CAVIN1: variants seen among roughly 807,000 people sequenced by gnomAD.
The protein encoded by CAVIN1 is caveolae associated protein 1.
CAVIN1 carries 16 observed loss-of-function variants against 24.0 expected under a neutral mutation model. The observed-to-expected ratio is 0.67, with a 90% CI of 0.45 to 1.01. The LOEUF (loss-of-function observed/expected upper bound fraction) is 1.01. Ranked by LOEUF, CAVIN1 falls within the 50% of genes least tolerant of loss-of-function variation. The pLI is 0.00. For missense variants in CAVIN1, 510 were observed against 551.7 expected (o/e 0.92, Z 0.76); for synonymous variants, 256 against 256.4 (o/e 1.00, Z 0.02).
chr17:42,405,950 G>A (rs553145817), intron 1 of CAVIN1, among the ~76,000 whole-genome samples: 1 of 152,198 alleles, frequency 6.6e-6, no homozygotes, highest in African/African-American at 2.4e-5. Flanking sequence ...GCCTCCCAAA[G>A]TTCTGGGATT....
At chr17:42,415,371 A>T (rs1395402742) in intron 1 of CAVIN1, among the ~76,000 whole-genome samples, 1 of 152,160 alleles carries the variant, frequency 6.6e-6, no homozygotes, top group Non-Finnish European at 1.5e-5. Context: ...AAACCACAAA[A>T]TGAAGGAGTT....
chr17:42,404,718 G>A lies in CAVIN1; in HGVS notation c.1142C>T (p.Ala381Val), dbSNP rs1215143132. Residue 381 changes from alanine (A) to valine (V), a missense_variant, in exon 2 of 2, where the codon GCC becomes GTC. Ala to Val is a moderately conservative substitution (Grantham distance 64). Transcript: ENST00000357037. ...ALLEITEESD[A>V]VLVDKSDSD Reference sequence around the variant, plus strand: ...GCTGTCGCTCTTGTCCACCAGCACGGCGTCCGACTCCTCGGTGATCTCCAG... The same window carrying A: ...GCTGTCGCTCTTGTCCACCAGCACGACGTCCGACTCCTCGGTGATCTCCAG... 1 of 1,492,500 alleles carries A rather than the reference G, an allele frequency of 6.7e-7. No individual in the cohort carries two copies. Among genetic ancestry groups the A allele is most frequent in the Non-Finnish European group, 8.9e-7 (1 of 1,127,866 alleles). The allele number at this position is 1,492,500 out of a possible 1,614,324, so 92.5% of individuals were successfully genotyped here. A position where few individuals can be genotyped will look rare whatever the true frequency, so the allele number is the denominator to read the frequency against.
Position 42,403,390 on chromosome 17 carries a change from T to A in CAVIN1, c.*1297A>T, listed in dbSNP as rs1177822802. On this transcript the variant is annotated 3_prime_UTR_variant, in exon 2 of 2. Coordinates refer to ENST00000357037, the MANE Select transcript of CAVIN1 (RefSeq NM_012232.6). ...CTGCTGCTGCCCCCTTCTGGGACCC[T>A]AATTTTCTGGACTTTGAGAAATGGG... 6.5e-6 allele frequency: 1 copy of A among 152,860 alleles called. No homozygotes were observed. Among genetic ancestry groups the A allele is most frequent in the Non-Finnish European group, 1.5e-5 (1 of 68,182 alleles). 9.5% of individuals were successfully genotyped at this position (152,860 alleles called of 1,614,324 possible).
At chr17:42,410,300 T>C (rs1384065282) in intron 1 of CAVIN1, among the ~76,000 whole-genome samples, 1 of 151,920 alleles carries the variant, frequency 6.6e-6, no homozygotes, top group Non-Finnish European at 1.5e-5. Flanking sequence ...GCTTAGAGTG[T>C]ATGTTAGAAG....
At chr17:42,419,063 G>C (rs563390798) in intron 1 of CAVIN1, among the ~76,000 whole-genome samples, 1 of 151,978 alleles carries the variant, frequency 6.6e-6, no homozygotes, top group African/African-American at 2.4e-5. Flanking sequence ...CGGGCACGGT[G>C]GTGGGCACCT....
chr17:42,418,467 G>A (rs968755076), intron 1 of CAVIN1, among the ~76,000 whole-genome samples: 4 of 151,962 alleles, frequency 2.6e-5, no homozygotes, highest in South Asian at 4.1e-4. Context: ...CCCACCTCAG[G>A]TGATCCGCCC....
At chr17:42,411,998 G>A (rs1409100374) in intron 1 of CAVIN1, 1 of 985,424 alleles carries the variant, frequency 1.0e-6, no homozygotes, top group Non-Finnish European at 1.2e-6. Context: ...GGCTGACAGT[G>A]GACTGAAGAG....
intron 1 of CAVIN1, among the ~76,000 whole-genome samples, chr17:42,416,145 A>G (rs1218393949): frequency 6.6e-6 from 1 of 152,192 alleles, no homozygotes; most frequent in Admixed American, 6.5e-5. Flanking sequence ...AGGCAGGTGG[A>G]TCACCTGAGG....
intron 1 of CAVIN1, chr17:42,412,381 AT>A (rs1397152665): frequency 3.0e-6 from 2 of 656,142 alleles, no homozygotes; most frequent in African/African-American, 2.0e-5. Context: ...TAGGATGGAA[AT>A]AAACCACTTT....
chr17:42,417,053 G>C (rs2085516166), intron 1 of CAVIN1, among the ~76,000 whole-genome samples: 1 of 152,092 alleles, frequency 6.6e-6, no homozygotes, highest in South Asian at 2.1e-4. Context: ...TCCATATGTA[G>C]GTCACTGACT....
intron 1 of CAVIN1, 130 bp from the exon 2 acceptor site, chr17:42,405,518 C>A (rs1278924431): frequency 2.1e-6 from 2 of 934,794 alleles, no homozygotes; most frequent in Admixed American, 1.9e-5. Flanking sequence ...AACTGGCGGG[C>A]GCTCAATAAA....
intron 1 of CAVIN1, among the ~76,000 whole-genome samples, chr17:42,408,557 T>A (rs1441864944): frequency 1.3e-5 from 2 of 152,172 alleles, no homozygotes; most frequent in African/African-American, 4.8e-5. Flanking sequence ...AATGACACGA[T>A]CTCGGCTCAC....
chr17:42,420,827 C>T (rs1378969948), intron 1 of CAVIN1, among the ~76,000 whole-genome samples: 2 of 152,090 alleles, frequency 1.3e-5, no homozygotes, highest in Non-Finnish European at 2.9e-5. Flanking sequence ...GGATAGTTAG[C>T]GTGAGAAGGG....
chr17:42,416,639 T>C (rs1466493331), intron 1 of CAVIN1, among the ~76,000 whole-genome samples: 1 of 137,298 alleles, frequency 7.3e-6, no homozygotes, highest in East Asian at 2.1e-4. Flanking sequence ...AACCCAGGGA[T>C]AGCATGATTT....
At chr17:42,412,269 GTT>G (rs1464213048) in intron 1 of CAVIN1, 1 of 984,892 alleles carries the variant, frequency 1.0e-6, no homozygotes, top group African/African-American at 1.8e-5. Context: ...AGGAAAAGGG[GTT>G]TAAATGGGGC....
At chr17:42,418,833 C>T (rs554725854) in intron 1 of CAVIN1, among the ~76,000 whole-genome samples, 24 of 152,226 alleles carry the variant, frequency 1.6e-4, no homozygotes, top group African/African-American at 5.5e-4. Flanking sequence ...ATCACATGTA[C>T]TCCAAAAATA....
At chr17:42,422,537 G>T in intron 1 of CAVIN1, 90 bp downstream of exon 1, 2 of 842,364 alleles carry the variant, frequency 2.4e-6, no homozygotes, top group Non-Finnish European at 3.4e-6. Context: ...GGGGAGCAGC[G>T]CCACGGGCAG....
chr17:42,419,305 G>GTTGTTATTATTATTATTA (rs1555588281), intron 1 of CAVIN1, among the ~76,000 whole-genome samples: 5 of 150,192 alleles, frequency 3.3e-5, no homozygotes, highest in African/African-American at 1.2e-4. Flanking sequence ...ATTTATTGTT[G>GTTGTTATTATTATTATTA]TTATTATTAT....
intron 1 of CAVIN1, among the ~76,000 whole-genome samples, chr17:42,414,535 G>A (rs2085500285): frequency 6.6e-6 from 1 of 152,004 alleles, no homozygotes; most frequent in South Asian, 2.1e-4. Context: ...CACTGTGCCT[G>A]GCAAAACCAA....
Sources: gnomAD v4.1 joint callset for allele counts (sites outside exome capture counted in the v4.1 genomes callset) on GRCh38, gnomAD v4.1.1 for gene constraint, MANE v1.5 for transcripts, NCBI Gene and HGNC (gene_info 2026-07-23, HGNC 2026-07-21) for gene names.